Variants in MYO16 observed in about 807,000 individuals in gnomAD.
The protein encoded by MYO16 is unconventional myosin-XVI.
MYO16 carries 94 observed loss-of-function variants against 205.3 expected under a neutral mutation model. That is an observed-to-expected ratio of 0.46 (90% CI 0.39 to 0.54). The LOEUF (loss-of-function observed/expected upper bound fraction) is 0.54. Ranked by LOEUF, MYO16 falls within the 20% of genes least tolerant of loss-of-function variation. The probability of loss-of-function intolerance (pLI) is 0.00; values close to 1 mark genes in which losing one functional copy is unlikely to be tolerated. For missense variants in MYO16, 2,315 were observed against 2,387.5 expected (o/e 0.97, Z 0.63); for synonymous variants, 988 against 954.0 (o/e 1.04, Z -0.66).
chr13:108,751,800 C>G (rs531104365), intron 4 of MYO16, among the ~76,000 whole-genome samples: 36 of 152,260 alleles, frequency 2.4e-4, no homozygotes, highest in African/African-American at 8.4e-4. Context: ...AATACCCCAA[C>G]TGAGGGTCAG....
intron 2 of MYO16, among the ~76,000 whole-genome samples, chr13:108,691,448 G>C (rs1479448479): frequency 6.6e-6 from 1 of 151,962 alleles, no homozygotes; most frequent in Non-Finnish European, 1.5e-5. Context: ...GAAATATTAA[G>C]AGGAGAAAGA....
intron 4 of MYO16, among the ~76,000 whole-genome samples, chr13:108,730,002 AAC>A (rs1884470172): frequency 6.6e-6 from 1 of 152,206 alleles, no homozygotes; most frequent in South Asian, 2.1e-4. Context: ...CTCATAAAAT[AAC>A]AGTGTAGTGA....
the MYO16 span, among the ~76,000 whole-genome samples, chr13:108,548,720 G>T: frequency 3.9e-5 from 6 of 152,016 alleles, no homozygotes; most frequent in African/African-American, 1.5e-4. Context: ...GAATGGTGAT[G>T]ATTATAGATA....
intron 1 of MYO16, among the ~76,000 whole-genome samples, chr13:108,653,300 T>G (rs1594178763): frequency 6.6e-6 from 1 of 152,286 alleles, no homozygotes; most frequent in East Asian, 1.9e-4. Flanking sequence ...TCCTATTAGG[T>G]GTATAAGGGT....
chr13:108,951,637 T>C (rs1474316272), intron 16 of MYO16, among the ~76,000 whole-genome samples: 2 of 152,192 alleles, frequency 1.3e-5, no homozygotes, highest in Non-Finnish European at 2.9e-5. Flanking sequence ...GCAATTATTA[T>C]TTAACCAAAT....
At chr13:108,603,558 G>A (rs1878843691) in intron 1 of MYO16, among the ~76,000 whole-genome samples, 1 of 151,928 alleles carries the variant, frequency 6.6e-6, no homozygotes, top group Non-Finnish European at 1.5e-5. Flanking sequence ...TTAAATTTAA[G>A]CTACTTTTTT....
chr13:108,651,529 A>C (rs1461960652), intron 1 of MYO16, among the ~76,000 whole-genome samples: 1 of 152,250 alleles, frequency 6.6e-6, no homozygotes, highest in Admixed American at 6.5e-5. Context: ...TACATTATAC[A>C]GTAATTTTTA....
chr13:109,070,707 A>G (rs948051144), intron 27 of MYO16, among the ~76,000 whole-genome samples: 1 of 152,192 alleles, frequency 6.6e-6, no homozygotes, highest in African/African-American at 2.4e-5. Context: ...GGAATAGATT[A>G]GTACTTCTGT....
chr13:109,197,109 T>A (rs1880193304), intron 34 of MYO16, among the ~76,000 whole-genome samples: 1 of 152,234 alleles, frequency 6.6e-6, no homozygotes, highest in South Asian at 2.1e-4. Context: ...ACTGTCCCCC[T>A]CTCCTTCAGC....
intron 1 of MYO16, among the ~76,000 whole-genome samples, chr13:108,610,155 A>G (rs1396226266): frequency 2.0e-5 from 3 of 152,142 alleles, no homozygotes; most frequent in Admixed American, 1.3e-4. Context: ...GTCCATCTGT[A>G]AAATGGACTA....
the MYO16 span, among the ~76,000 whole-genome samples, chr13:108,579,223 T>C: frequency 1.3e-5 from 2 of 152,178 alleles, no homozygotes; most frequent in African/African-American, 4.8e-5. Flanking sequence ...TGGAAGTAAC[T>C]TGTGTCTTTT....
At chr13:108,865,853 C>T (rs181741097) in intron 11 of MYO16, among the ~76,000 whole-genome samples, 27 of 152,004 alleles carry the variant, frequency 1.8e-4, no homozygotes, top group Non-Finnish European at 3.2e-4. Flanking sequence ...GGCATTTTGT[C>T]ATATGTTTTA....
intron 9 of MYO16, among the ~76,000 whole-genome samples, chr13:108,832,740 CTT>C (rs1167613683): frequency 6.6e-6 from 1 of 152,020 alleles, no homozygotes; most frequent in Non-Finnish European, 1.5e-5. Flanking sequence ...TGTATATAGT[CTT>C]TTAGATTACA....
intron 4 of MYO16, among the ~76,000 whole-genome samples, chr13:108,753,606 G>A (rs939875762): frequency 2.0e-5 from 3 of 151,980 alleles, no homozygotes; most frequent in African/African-American, 4.8e-5. Context: ...TTTTGACCTA[G>A]GTATTAATTA....
intron 4 of MYO16, among the ~76,000 whole-genome samples, chr13:108,736,059 A>C (rs537540521): frequency 6.6e-6 from 1 of 152,012 alleles, no homozygotes; most frequent in Non-Finnish European, 1.5e-5. Flanking sequence ...TTGTCAGATG[A>C]GTAGGTTGCA....
At chr13:109,098,532 G>A (rs1335202838) in intron 27 of MYO16, among the ~76,000 whole-genome samples, 5 of 152,206 alleles carry the variant, frequency 3.3e-5, no homozygotes, top group Admixed American at 3.3e-4. Flanking sequence ...TGTGTGACGT[G>A]TTGTTGGGCG....
chr13:109,150,347 G>C (rs1338346874), intron 32 of MYO16, among the ~76,000 whole-genome samples: 1 of 152,070 alleles, frequency 6.6e-6, no homozygotes, highest in Non-Finnish European at 1.5e-5. Flanking sequence ...AATATTTGTT[G>C]GGAAAATATA....
At position 108,816,572 on chromosome 13, in the gene MYO16, G is replaced by C. The variant is rs577502802; in HGVS notation, c.868-3765G>C. On this transcript the variant is annotated intron_variant, in intron 7 of 34. Coordinates refer to ENST00000457511, the MANE Select transcript of MYO16 (RefSeq NM_001198950.3). ...AAGGTCACACGATCCATAAGCATGAGTTGCAAGATAAGTTTCCCAATATGT... is the reference window on the plus strand; with the variant it reads ...AAGGTCACACGATCCATAAGCATGACTTGCAAGATAAGTTTCCCAATATGT... 4.6e-5 allele frequency among the ~76,000 whole-genome samples: 7 copies of C among 152,280 alleles called. No individual in the cohort carries two copies. In the East Asian group the frequency reaches 1.4e-3, roughly 29 times the overall value.
intron 2 of MYO16, among the ~76,000 whole-genome samples, chr13:108,672,971 A>C (rs188765349): frequency 6.6e-6 from 1 of 151,302 alleles, no homozygotes; most frequent in Non-Finnish European, 1.5e-5. Context: ...TATGTTCTGC[A>C]CTCTCTGAGC....
Sources: gnomAD v4.1 joint callset for allele counts (sites outside exome capture counted in the v4.1 genomes callset) on GRCh38, gnomAD v4.1.1 for gene constraint, MANE v1.5 for transcripts, NCBI Gene and HGNC (gene_info 2026-07-23, HGNC 2026-07-21) for gene names.